The following ENOSF1 variants were observed in gnomAD, a reference collection of about 807,000 sequenced individuals.
ENOSF1 encodes mitochondrial enolase superfamily member 1.
A neutral mutation model predicts 68.2 loss-of-function variants in ENOSF1; 73 were observed. The observed-to-expected ratio is 1.07, with a 90% CI of 0.89 to 1.30. ENOSF1 has a LOEUF of 1.30. ENOSF1 is among the 50% of genes most tolerant of loss of function. The pLI is 0.00. For synonymous variants in ENOSF1, 223 were observed against 210.4 expected (o/e 1.06, Z -0.52); for missense variants, 589 against 554.5 (o/e 1.06, Z -0.62).
intron 11 of ENOSF1, among the ~76,000 whole-genome samples, chr18:681,596 T>C (rs1368371735): frequency 3.9e-5 from 6 of 152,244 alleles, no homozygotes; most frequent in South Asian, 2.1e-4. Flanking sequence ...CTCAGAAAAT[T>C]TGGGCTCTGT....
chr18:680,533 T>C (rs1431829369), intron 11 of ENOSF1, among the ~76,000 whole-genome samples: 1 of 152,078 alleles, frequency 6.6e-6, no homozygotes, highest in Non-Finnish European at 1.5e-5. Flanking sequence ...TCTCTCAGAT[T>C]CCTGGAAAAG....
At chr18:694,180 C>T (rs1166830543) in intron 4 of ENOSF1, 68 bp downstream of exon 4, 1 of 1,466,716 alleles carries the variant, frequency 6.8e-7, no homozygotes, top group African/African-American at 1.4e-5. Flanking sequence ...TGTCTTTCCT[C>T]TGTGCGTAGG....
intron 11 of ENOSF1, chr18:682,993 G>T (rs2076231945): frequency 2.3e-6 from 1 of 442,398 alleles, no homozygotes. Context: ...CCTTCAAATT[G>T]CTGGTAGCCC....
intron 14 of ENOSF1, among the ~76,000 whole-genome samples, chr18:676,460 A>G (rs1028720493): frequency 1.3e-5 from 2 of 151,130 alleles, no homozygotes; most frequent in South Asian, 4.2e-4. Context: ...TTCCCCCCTC[A>G]CTCTCTCTTC....
intron 5 of ENOSF1, chr18:692,837 CAT>C (rs1222017533): frequency 2.0e-4 from 212 of 1,068,176 alleles, no homozygotes; most frequent in Admixed American, 1.3e-3. Flanking sequence ...AGCCACTCTC[CAT>C]GTCAGAGACG....
intron 11 of ENOSF1, among the ~76,000 whole-genome samples, chr18:682,777 G>C (rs1399579531): frequency 1.3e-5 from 2 of 149,072 alleles, no homozygotes; most frequent in Non-Finnish European, 3.0e-5. Context: ...CAGCTACTCA[G>C]GAGGCTGAGG....
At chr18:682,907 AAAAC>A (rs1215141444) in intron 11 of ENOSF1, 97 of 195,742 alleles carry the variant, frequency 5.0e-4, no homozygotes, top group African/African-American at 1.9e-3. Context: ...CAAAACAAAA[AAAAC>A]CACCAAAAAA....
At chr18:700,027 C>T (rs531650508) in intron 2 of ENOSF1, among the ~76,000 whole-genome samples, 1 of 152,292 alleles carries the variant, frequency 6.6e-6, no homozygotes, top group African/African-American at 2.4e-5. Flanking sequence ...TTGCAGTGAG[C>T]CAAGACCATG....
At chr18:667,141 GGT>G (rs1214182434), downstream of ENOSF1, among the ~76,000 whole-genome samples, 18 of 99,090 alleles carry the variant, frequency 1.8e-4, no homozygotes, top group Admixed American at 2.9e-4. Context: ...AGATGGTGAT[GGT>G]GATGGTGATG....
chr18:698,462 AC>A (rs796350960), intron 2 of ENOSF1, among the ~76,000 whole-genome samples: 13 of 152,334 alleles, frequency 8.5e-5, no homozygotes, highest in African/African-American at 3.1e-4. Flanking sequence ...CAATTAGCAT[AC>A]TATTTATATG....
intron 10 of ENOSF1, among the ~76,000 whole-genome samples, chr18:683,728 G>A (rs1186134967): frequency 2.0e-5 from 3 of 152,110 alleles, no homozygotes; most frequent in Admixed American, 6.6e-5. Context: ...GTCTTGCAGT[G>A]TTGGTTCTGT....
intron 1 of ENOSF1, 117 bp from the exon 2 acceptor site, chr18:706,695 C>T (rs1345138687): frequency 2.8e-6 from 2 of 702,408 alleles, no homozygotes; most frequent in Non-Finnish European, 5.0e-6. Flanking sequence ...ACAAGAGCTC[C>T]CATAGAAGGA....
At chr18:678,514 C>T (rs2075745844) in intron 12 of ENOSF1, 182 bp downstream of exon 12, 2 of 586,014 alleles carry the variant, frequency 3.4e-6, no homozygotes, top group African/African-American at 1.9e-5. Context: ...GAAATAGCCA[C>T]AAACTTTTTC....
At chr18:680,676 GTTTTT>G (rs33931715) in intron 11 of ENOSF1, among the ~76,000 whole-genome samples, 3 of 101,034 alleles carry the variant, frequency 3.0e-5, no homozygotes, top group Non-Finnish European at 5.6e-5. Context: ...ATGCTGTTGT[GTTTTT>G]TTTTTTTTTT....
chr18:675,353 T>C lies in ENOSF1; in HGVS notation c.1198A>G (p.Met400Val), dbSNP rs2075380003. Residue 400 changes from methionine to valine, a missense_variant, in exon 15 of 16, where the codon ATG becomes GTG. Met to Val is a conservative substitution (Grantham distance 21, BLOSUM62 1). Coordinates refer to ENST00000647584, the MANE Select transcript of ENOSF1 (RefSeq NM_017512.7). Reference sequence around the variant, plus strand: ...GGCATGTAGGAAGCCCGCTGGATCATCACGGGATACTTGAAATGCTCATGC... The same window carrying C: ...GGCATGTAGGAAGCCCGCTGGATCACCACGGGATACTTGAAATGCTCATGC... ...HLHEHFKYPV[M>V]IQRASYMPPK... The C allele has an allele frequency of 6.2e-7, 1 of 1,612,898 alleles. No individual in the cohort carries two copies. The highest frequency in any genetic ancestry group is 1.7e-5 in the Admixed American group (1 of 59,858).
chr18:688,874 T>G (rs2076882609), intron 8 of ENOSF1, among the ~76,000 whole-genome samples: 1 of 152,154 alleles, frequency 6.6e-6, no homozygotes, highest in Non-Finnish European at 1.5e-5. Flanking sequence ...CACTGATCTC[T>G]CTCTTTTTAA....
chr18:688,444 G>T, intron 9 of ENOSF1, 130 bp downstream of exon 9: 1 of 1,135,762 alleles, frequency 8.8e-7, no homozygotes, highest in Non-Finnish European at 1.3e-6. Context: ...CTTCTCTTAT[G>T]CATCCCTATG....
chr18:692,652 G>C (rs2077313183), intron 5 of ENOSF1: 3 of 906,128 alleles, frequency 3.3e-6, no homozygotes, highest in Admixed American at 6.2e-5. Flanking sequence ...TACTGGCATT[G>C]AAAGGGAACA....
At chr18:685,195 G>A (rs1389031551) in intron 10 of ENOSF1, among the ~76,000 whole-genome samples, 1 of 151,796 alleles carries the variant, frequency 6.6e-6, no homozygotes, top group East Asian at 1.9e-4. Context: ...CGGTACAGAT[G>A]GGGTTTTTCC....
Sources: gnomAD v4.1 joint callset for allele counts (sites outside exome capture counted in the v4.1 genomes callset) on GRCh38, gnomAD v4.1.1 for gene constraint, MANE v1.5 for transcripts, NCBI Gene and HGNC (gene_info 2026-07-23, HGNC 2026-07-21) for gene names.